Variants in PHIP observed in about 807,000 individuals in gnomAD.
PHIP encodes PHIP subunit of CUL4-Ring ligase complex.
PHIP carries 54 observed loss-of-function variants against 236.8 expected under a neutral mutation model. The observed-to-expected ratio is 0.23, with a 90% CI of 0.18 to 0.29. The LOEUF is 0.29. Among genes scored for constraint, PHIP ranks in the 10% least tolerant of loss-of-function variants. The pLI, the probability that PHIP is intolerant of heterozygous loss-of-function variation, is 1.00. For synonymous variants in PHIP, 756 were observed against 718.9 expected (o/e 1.05, Z -0.83); for missense variants, 1,370 against 2,190.8 (o/e 0.63, Z 7.48).
chr6:78,944,021 C>A (rs2127680543), intron 39 of PHIP, among the ~76,000 whole-genome samples: 1 of 133,988 alleles, frequency 7.5e-6, no homozygotes. Flanking sequence ...AAAGGAAGTG[C>A]TTGATTCTAT....
intron 15 of PHIP, among the ~76,000 whole-genome samples, chr6:79,012,792 CATAA>C (rs2127739001): frequency 6.6e-6 from 1 of 151,086 alleles, no homozygotes; most frequent in East Asian, 1.9e-4. Context: ...TCCATTTGCC[CATAA>C]ATAAAACAAG....
At chr6:79,055,752 T>C (rs1432899289) in intron 6 of PHIP, among the ~76,000 whole-genome samples, 1 of 152,186 alleles carries the variant, frequency 6.6e-6, no homozygotes, top group African/African-American at 2.4e-5. Context: ...CATAATAAAA[T>C]AAAACAGGAT....
intron 7 of PHIP, among the ~76,000 whole-genome samples, chr6:79,030,644 G>T (rs960575866): frequency 2.0e-5 from 3 of 152,154 alleles, no homozygotes; most frequent in African/African-American, 7.2e-5. Context: ...GTTTATGTGA[G>T]TAATAGATCT....
intron 6 of PHIP, among the ~76,000 whole-genome samples, chr6:79,047,411 A>G (rs1772556109): frequency 6.6e-6 from 1 of 152,238 alleles, no homozygotes; most frequent in African/African-American, 2.4e-5. Context: ...TATTCAATTT[A>G]GAAAAGAACA....
Position 78,940,694 on chromosome 6 carries a change from TACCA to T in PHIP, c.5461_5464del (p.Trp1821AsnfsTer12). ...TGAAGTAAAATATTTTGGTACAAGT[TACCA>T]ACCAATTAAATTAGCTTTTGCTTTT... On this transcript the variant is annotated frameshift_variant and stop_lost, in exon 40 of 40. Transcript: ENST00000275034. LOFTEE classifies it high-confidence loss of function. 1 of 1,607,174 alleles carries T rather than the reference TACCA, an allele frequency of 6.2e-7. No homozygotes were observed. The highest frequency in any genetic ancestry group is 8.5e-7 in the Non-Finnish European group (1 of 1,175,248).
At position 78,937,286 on chromosome 6, in the gene PHIP, G is replaced by A. The variant is rs908921808; in HGVS notation, c.*3407C>T. The A allele has an allele frequency of 1.3e-5, 2 of 151,726 alleles. No individual in the cohort carries two copies. Among genetic ancestry groups the A allele is most frequent in the African/African-American group, 2.4e-5 (1 of 41,412 alleles). 9.4% of individuals were successfully genotyped at this position (151,726 alleles called of 1,614,324 possible). A position where few individuals can be genotyped will look rare whatever the true frequency, so the allele number is the denominator to read the frequency against. On this transcript the variant is annotated 3_prime_UTR_variant, in exon 40 of 40. Coordinates refer to ENST00000275034, the MANE Select transcript of PHIP (RefSeq NM_017934.7). ...TAGGTATATATGTATAAAATGGAAT[G>A]TCAGAATTGAAGTAAACATTGTTAA...
intron 19 of PHIP, among the ~76,000 whole-genome samples, chr6:78,994,893 G>C (rs901029987): frequency 6.6e-6 from 1 of 152,122 alleles, no homozygotes; most frequent in Non-Finnish European, 1.5e-5. Context: ...TAGGTATGTA[G>C]TTTTTTTCAG....
At chr6:79,064,802 G>A (rs1334520110) in intron 4 of PHIP, among the ~76,000 whole-genome samples, 2 of 151,994 alleles carry the variant, frequency 1.3e-5, no homozygotes, top group Admixed American at 1.3e-4. Flanking sequence ...TCTCTCTTTG[G>A]ACAATTGTTA....
At chr6:79,002,314 G>C (rs1434544766) in intron 16 of PHIP, among the ~76,000 whole-genome samples, 190 bp from the exon 17 acceptor site, 1 of 152,014 alleles carries the variant, frequency 6.6e-6, no homozygotes, top group South Asian at 2.1e-4. Context: ...TAAGTATTAT[G>C]ATCAGAAAAG....
rs1768643091 is a variant in PHIP, at chr6:78,983,071, T to G, written c.2584A>C (p.Asn862His). ...GGAACTTTCTTTGGTGGCTGCAGATTAATTCCTGCATCTGCTGTCCAGTCA... is the reference window on the plus strand; with the variant it reads ...GGAACTTTCTTTGGTGGCTGCAGATGAATTCCTGCATCTGCTGTCCAGTCA... ...YSDWTADAGI[N>H]LQPPKKVPKN... Residue 862 changes from asparagine to histidine, a missense_variant, in exon 23 of 40, where the codon AAT becomes CAT. Asn to His is a moderately conservative substitution (Grantham distance 68). Transcript: ENST00000275034. 6.2e-7 allele frequency: 1 copy of G among 1,611,580 alleles called. No individual in the cohort carries two copies. The highest frequency in any genetic ancestry group is 1.3e-5 in the African/African-American group (1 of 74,840).
At chr6:78,946,434 TCG>T in intron 37 of PHIP, 174 bp from the exon 38 acceptor site, 1 of 1,405,438 alleles carries the variant, frequency 7.1e-7, no homozygotes, top group Non-Finnish European at 9.2e-7. Flanking sequence ...TAGTGAAGGA[TCG>T]CTGTAAATGC....
chr6:79,036,726 C>T (rs1771952844), intron 7 of PHIP, among the ~76,000 whole-genome samples: 1 of 151,848 alleles, frequency 6.6e-6, no homozygotes, highest in South Asian at 2.1e-4. Context: ...TCGAGACCAT[C>T]CTGGCTAACA....
At chr6:78,955,131 A>G in intron 34 of PHIP, 101 bp downstream of exon 34, 1 of 909,622 alleles carries the variant, frequency 1.1e-6, no homozygotes, top group Non-Finnish European at 1.6e-6. Flanking sequence ...AATTTGAAAT[A>G]CTTAATGTCT....
intron 7 of PHIP, among the ~76,000 whole-genome samples, chr6:79,027,946 G>A (rs933035506): frequency 1.3e-5 from 2 of 152,138 alleles, no homozygotes; most frequent in African/African-American, 2.4e-5. Flanking sequence ...AGGGTGAAGA[G>A]ATGAGACAGT....
chr6:79,048,493 C>G (rs1225320401), intron 6 of PHIP, among the ~76,000 whole-genome samples: 2 of 151,968 alleles, frequency 1.3e-5, no homozygotes, highest in Non-Finnish European at 2.9e-5. Flanking sequence ...AATACCATTA[C>G]CTCCCTACAA....
chr6:78,972,833 A>G (rs1321364263), intron 24 of PHIP, among the ~76,000 whole-genome samples: 1 of 152,214 alleles, frequency 6.6e-6, no homozygotes, highest in Non-Finnish European at 1.5e-5. Context: ...AGAGAAAAAA[A>G]CAATAAAAAG....
intron 9 of PHIP, among the ~76,000 whole-genome samples, chr6:79,019,947 G>C (rs1771028440): frequency 6.6e-6 from 1 of 152,176 alleles, no homozygotes; most frequent in African/African-American, 2.4e-5. Context: ...CCAATATACT[G>C]ATTATATTTG....
chr6:78,990,876 C>T lies in PHIP; in HGVS notation c.2311G>A (p.Val771Ile), dbSNP rs1187748805. The T allele has an allele frequency of 2.1e-5, 33 of 1,543,516 alleles. No homozygotes were observed. The highest frequency in any genetic ancestry group is 2.7e-5 in the Non-Finnish European group (30 of 1,119,378). ...TVPKENKIPT[V>I]SKNHAHEHFL... ...AAATAATTAATATGTACCTTTGAGA[C>T]AGTGGGTATTTTATTCTCTTTTGGA... The change falls in exon 20 of 40, where the codon GTC becomes ATC. Residue 771 changes from valine to isoleucine, a missense_variant. This residue lies in a region of PHIP where 99 missense variants were observed against 110.0 expected (regional missense o/e 0.90). Coordinates refer to ENST00000275034, the MANE Select transcript of PHIP (RefSeq NM_017934.7).
intron 20 of PHIP, among the ~76,000 whole-genome samples, chr6:78,989,806 A>C (rs1400980774): frequency 6.6e-6 from 1 of 152,180 alleles, no homozygotes; most frequent in Non-Finnish European, 1.5e-5. Flanking sequence ...TCATTATATA[A>C]GTTTATCTCA....
Sources: allele counts gnomAD v4.1 joint callset (sites outside exome capture counted in the v4.1 genomes callset), GRCh38; gene constraint gnomAD v4.1.1; regional missense constraint gnomAD v4.1.1; transcripts MANE v1.5; gene names NCBI Gene and HGNC (gene_info 2026-07-23, HGNC 2026-07-21).